Variants in FSHR observed in about 807,000 individuals in gnomAD.
The protein encoded by FSHR is follicle-stimulating hormone receptor.
Under a neutral mutation model 52.1 loss-of-function variants are expected in FSHR, and 46 were observed. The observed-to-expected ratio is 0.88, with a 90% CI of 0.70 to 1.13. FSHR has a LOEUF of 1.13. Among genes scored for constraint, FSHR ranks in the 50% most tolerant of loss-of-function variants. FSHR has a pLI of 0.00. For synonymous variants in FSHR, 399 were observed against 309.6 expected (o/e 1.29, Z -3.03); for missense variants, 964 against 834.6 (o/e 1.16, Z -1.91).
intron 1 of FSHR, among the ~76,000 whole-genome samples, chr2:49,079,796 G>A (rs1670098976): frequency 6.6e-6 from 1 of 151,898 alleles, no homozygotes; most frequent in Non-Finnish European, 1.5e-5. Context: ...TAAATAAAAT[G>A]TCTGTTCAGA....
chr2:49,021,831 T>TTCTCTCTCTCTCTCTCTC (rs1553334822), intron 2 of FSHR, among the ~76,000 whole-genome samples: 7 of 46,526 alleles, frequency 1.5e-4, no homozygotes, highest in African/African-American at 3.6e-4. Flanking sequence ...GGGTATGTGT[T>TTCTCTCTCTCTCTCTCTC]TCTCTCTCTC....
chr2:49,149,115 C>G (rs1269316938), intron 1 of FSHR, among the ~76,000 whole-genome samples: 1 of 151,822 alleles, frequency 6.6e-6, no homozygotes, highest in African/African-American at 2.4e-5. Context: ...AACTTGTAAA[C>G]TGATTAGATG....
intron 4 of FSHR, chr2:49,015,006 T>C (rs1296974672): frequency 2.4e-6 from 1 of 415,044 alleles, no homozygotes; most frequent in Admixed American, 3.6e-5. Flanking sequence ...ACTAACTGGG[T>C]AACAGGCACT....
At chr2:49,050,454 A>T (rs937967606) in intron 2 of FSHR, among the ~76,000 whole-genome samples, 1 of 152,194 alleles carries the variant, frequency 6.6e-6, no homozygotes, top group African/African-American at 2.4e-5. Flanking sequence ...CTCCTCTGAT[A>T]ATAAATGTCA....
At chr2:48,995,924 T>C (rs2104123389) in intron 4 of FSHR, among the ~76,000 whole-genome samples, 1 of 152,258 alleles carries the variant, frequency 6.6e-6, no homozygotes, top group South Asian at 2.1e-4. Flanking sequence ...GAAACAGCTC[T>C]CTCTTAGTCT....
intron 2 of FSHR, among the ~76,000 whole-genome samples, chr2:49,062,462 T>G (rs1265706844): frequency 2.6e-5 from 4 of 152,124 alleles, no homozygotes; most frequent in South Asian, 2.1e-4. Flanking sequence ...ATATAAAACT[T>G]CTGGAAGAAA....
chr2:48,966,414 T>C (rs1674480057), intron 9 of FSHR, among the ~76,000 whole-genome samples: 1 of 152,236 alleles, frequency 6.6e-6, no homozygotes, highest in Middle Eastern at 3.4e-3. Context: ...TAATGCAAAA[T>C]GAATACAGAA....
chr2:49,116,076 T>A (rs1365798829), intron 1 of FSHR, among the ~76,000 whole-genome samples: 1 of 152,084 alleles, frequency 6.6e-6, no homozygotes, highest in Non-Finnish European at 1.5e-5. Context: ...GTAAGCAAGA[T>A]CTTGGCATTT....
chr2:49,093,812 G>A (rs992778480), intron 1 of FSHR, among the ~76,000 whole-genome samples: 1 of 151,956 alleles, frequency 6.6e-6, no homozygotes, highest in African/African-American at 2.4e-5. Flanking sequence ...GGCCAGGCTG[G>A]TCTCGAACTC....
chr2:48,968,097 A>G (rs1346953143), intron 9 of FSHR, among the ~76,000 whole-genome samples: 3 of 152,198 alleles, frequency 2.0e-5, no homozygotes, highest in Non-Finnish European at 2.9e-5. Flanking sequence ...CCAGTTAGCT[A>G]CTAAGACTTG....
In FSHR at chr2:49,100,922, A is replaced by G. The variant is rs548990195; in HGVS notation, c.153-32632T>C. 3.9e-5 allele frequency among the ~76,000 whole-genome samples: 6 copies of G among 152,286 alleles called. No individual in the cohort carries two copies. In the East Asian group the frequency reaches 1.2e-3, roughly 29 times the overall value. Reference sequence around the variant, plus strand: ...GAGAAAGAATGATCAGGGAGCTTCAAGGAGAACTGGAAAGTGTTGTGTTAA... The same window carrying G: ...GAGAAAGAATGATCAGGGAGCTTCAGGGAGAACTGGAAAGTGTTGTGTTAA... On this transcript the variant is annotated intron_variant, in intron 1 of 9. Transcript: ENST00000406846.
At chr2:49,011,492 A>AAAT (rs1667271421) in intron 4 of FSHR, among the ~76,000 whole-genome samples, 1 of 152,016 alleles carries the variant, frequency 6.6e-6, no homozygotes, top group African/African-American at 2.4e-5. Context: ...GTGCTGAAAA[A>AAAT]AATATATATT....
intron 1 of FSHR, among the ~76,000 whole-genome samples, chr2:49,083,649 G>A (rs1463196392): frequency 2.7e-5 from 4 of 150,284 alleles, no homozygotes; most frequent in South Asian, 2.2e-4. Context: ...GATGGAGGAA[G>A]CTCTACCAAG....
chr2:49,090,036 G>C (rs1335331032), intron 1 of FSHR, among the ~76,000 whole-genome samples: 2 of 152,112 alleles, frequency 1.3e-5, no homozygotes, highest in African/African-American at 4.8e-5. Context: ...ATTTTCCAGG[G>C]TTGTTTATCA....
intron 6 of FSHR, among the ~76,000 whole-genome samples, chr2:48,984,257 A>T (rs1221363854): frequency 6.6e-6 from 1 of 152,194 alleles, no homozygotes; most frequent in Non-Finnish European, 1.5e-5. Context: ...AAATCTTTTA[A>T]AACATTCACA....
chr2:49,054,761 C>T (rs1034634620), intron 2 of FSHR, among the ~76,000 whole-genome samples: 6 of 152,158 alleles, frequency 3.9e-5, no homozygotes, highest in South Asian at 2.1e-4. Context: ...CTGAGACACT[C>T]GCAAACATTA....
At chr2:49,029,255 C>A (rs1183059346) in intron 2 of FSHR, among the ~76,000 whole-genome samples, 1 of 152,206 alleles carries the variant, frequency 6.6e-6, no homozygotes, top group African/African-American at 2.4e-5. Flanking sequence ...GAGCACACAT[C>A]GTGGCTGCTG....
chr2:49,154,150 G>A (rs1228158427), intron 1 of FSHR, 116 bp downstream of exon 1: 5 of 1,144,688 alleles, frequency 4.4e-6, no homozygotes, highest in African/African-American at 3.1e-5. Context: ...TCAGGACTTC[G>A]GTCAAGGGGC....
intron 2 of FSHR, among the ~76,000 whole-genome samples, chr2:49,062,427 A>C (rs1335539086): frequency 6.6e-6 from 1 of 152,216 alleles, no homozygotes; most frequent in African/African-American, 2.4e-5. Flanking sequence ...AATGGATTAA[A>C]GACTAAAATG....
Sources: gnomAD v4.1 joint callset for allele counts (sites outside exome capture counted in the v4.1 genomes callset) on GRCh38, gnomAD v4.1.1 for gene constraint, MANE v1.5 for transcripts, NCBI Gene and HGNC (gene_info 2026-07-23, HGNC 2026-07-21) for gene names.